Variants in ADCY9 observed in about 807,000 individuals in gnomAD.
The protein encoded by ADCY9 is adenylate cyclase type 9.
In ADCY9, 50 loss-of-function variants were observed where a neutral mutation model predicts 101.5. The ratio of observed to expected loss-of-function variants is 0.49; its 90% confidence interval spans 0.39 to 0.62. The LOEUF is 0.62. Ranked by LOEUF, ADCY9 falls within the 20% of genes least tolerant of loss-of-function variation. ADCY9 has a pLI of 0.00. For synonymous variants in ADCY9, 905 were observed against 769.3 expected (o/e 1.18, Z -2.92); for missense variants, 1,662 against 1,800.4 (o/e 0.92, Z 1.39).
intron 2 of ADCY9, among the ~76,000 whole-genome samples, chr16:4,034,320 T>C (rs762100750): frequency 3.3e-4 from 50 of 152,152 alleles, no homozygotes; most frequent in Non-Finnish European, 6.6e-4. Context: ...ATCAAGTAAA[T>C]AGCAACTAGG....
In ADCY9 at chr16:3,965,782, C is replaced by T. The variant is rs747722293; in HGVS notation, c.4055G>A (p.Ser1352Asn). The T allele has an allele frequency of 8.1e-6, 13 of 1,610,954 alleles. No individual in the cohort carries two copies. Among genetic ancestry groups the T allele is most frequent in the Admixed American group, 3.4e-5 (2 of 59,498 alleles). ...CAGCGGGTGGGCGCCGCCTCACACA[C>T]TCTTTGAAACGTTGAGCTTGGTGAG... ...NELTKLNVSK[S>N]V Residue 1352 changes from serine to asparagine, a missense_variant, in exon 11 of 11, where the codon AGT becomes AAT. Physicochemically the swap from Ser to Asn is conservative, Grantham distance 46 (BLOSUM62 1). This residue lies in a region of ADCY9 where 168 missense variants were observed against 155.3 expected (regional missense o/e 1.08). Coordinates refer to ENST00000294016, the MANE Select transcript of ADCY9 (RefSeq NM_001116.4).
intron 2 of ADCY9, among the ~76,000 whole-genome samples, chr16:4,055,302 G>T (rs1366224033): frequency 5.3e-5 from 8 of 152,144 alleles, no homozygotes; most frequent in Non-Finnish European, 1.2e-4. Flanking sequence ...GGAGGCTGAG[G>T]CGAGCAGATC....
At chr16:4,078,969 C>T (rs1278351918) in intron 2 of ADCY9, among the ~76,000 whole-genome samples, 1 of 152,180 alleles carries the variant, frequency 6.6e-6, no homozygotes, top group Non-Finnish European at 1.5e-5. Context: ...TAAGGATATT[C>T]ATCACACTGT....
At chr16:4,070,928 CAG>C (rs533085331) in intron 2 of ADCY9, among the ~76,000 whole-genome samples, 256 of 152,170 alleles carry the variant, frequency 1.7e-3, no homozygotes, top group Middle Eastern at 6.8e-3. Flanking sequence ...GTCTTGGCAA[CAG>C]AGAGAGTCTC....
chr16:4,020,742 C>T (rs1039505275), intron 2 of ADCY9, among the ~76,000 whole-genome samples: 3 of 151,318 alleles, frequency 2.0e-5, no homozygotes, highest in Non-Finnish European at 4.4e-5. Context: ...AGGAGAATGG[C>T]GTGAACCCAG....
intron 2 of ADCY9, among the ~76,000 whole-genome samples, chr16:4,094,685 T>C (rs1042217326): frequency 4.0e-5 from 6 of 148,312 alleles, no homozygotes; most frequent in Admixed American, 4.0e-4. Flanking sequence ...AGCCAGAAAA[T>C]AAAATTGAGG....
At position 4,114,856 on chromosome 16, in the gene ADCY9, G is replaced by C. The variant is rs548157811; in HGVS notation, c.587C>G (p.Thr196Arg). The C allele has an allele frequency of 6.2e-7, 1 of 1,613,628 alleles. No individual in the cohort carries two copies. The highest frequency in any genetic ancestry group is 2.2e-5 in the East Asian group (1 of 44,888). Residue 196 changes from threonine to arginine, a missense_variant, in exon 2 of 11, where the codon ACG becomes AGG. Transcript: ENST00000294016. The surrounding 1 kb of genome is among the most constrained non-coding windows in gnomAD (Gnocchi z 4.3). ...GCTGTCGCCGCGTCCTGAGACAGGC[G>C]TCAAGACCTGGAACTGCGCAGCCAG... The part of the protein sequence containing the change: ...LTLAAQFQVL[T>R]PVSGRGDSSN...
Position 3,992,075 on chromosome 16 carries a change from A to C in ADCY9, c.2207+71T>G. ...GACAGAGCGAGACTCAGTCTTAAAG[A>C]AAAGAAAAGAAAAAGGCAGAGAGGC... On this transcript the variant is annotated intron_variant, in intron 5 of 10. Coordinates refer to ENST00000294016, the MANE Select transcript of ADCY9 (RefSeq NM_001116.4). This position sits in a 1 kb window ranked among gnomAD's most constrained non-coding sequence, Gnocchi z 4.2. 1.3e-6 allele frequency: 2 copies of C among 1,481,508 alleles called. No homozygotes were observed. The highest frequency in any genetic ancestry group is 9.3e-7 in the Non-Finnish European group (1 of 1,074,814). 91.8% of individuals were successfully genotyped at this position (1,481,508 alleles called of 1,614,324 possible).
chr16:4,085,000 C>A (rs1172571954), intron 2 of ADCY9, among the ~76,000 whole-genome samples: 1 of 152,142 alleles, frequency 6.6e-6, no homozygotes, highest in Admixed American at 6.5e-5. Context: ...TCCATTTACC[C>A]ATTGGTGCCT....
chr16:4,102,820 C>A (rs2057052241), intron 2 of ADCY9, among the ~76,000 whole-genome samples: 1 of 152,306 alleles, frequency 6.6e-6, no homozygotes, highest in East Asian at 1.9e-4. Context: ...CTCCCAGGTT[C>A]AAGTGATTCT....
intron 2 of ADCY9, among the ~76,000 whole-genome samples, chr16:4,074,098 C>T (rs980393529): frequency 3.3e-5 from 5 of 151,964 alleles, no homozygotes; most frequent in African/African-American, 1.2e-4. Flanking sequence ...CAGGAAGTTT[C>T]ATCAAACAGC....
chr16:4,048,304 T>C (rs75642571), intron 2 of ADCY9, among the ~76,000 whole-genome samples: 7,961 of 152,284 alleles, frequency 0.052, 735 homozygotes, highest in African/African-American at 0.18. Flanking sequence ...AAAGTAACCA[T>C]GCATTGTTCA....
chr16:4,065,510 C>T (rs1361998101), intron 2 of ADCY9, among the ~76,000 whole-genome samples: 1 of 152,152 alleles, frequency 6.6e-6, no homozygotes, highest in East Asian at 1.9e-4. Context: ...GAAATAATGG[C>T]AGAAGTCGAA....
Position 4,114,347 on chromosome 16 carries a change from G to A in ADCY9, c.1096C>T (p.Pro366Ser). The change falls in exon 2 of 11, where the codon CCC (proline) becomes TCC (serine). Residue 366 changes from proline (P) to serine (S), a missense_variant. Around this residue, in one of 5 missense-constraint regions of ADCY9, gnomAD observed 228 missense variants for 301.1 expected, o/e 0.76. Transcript: ENST00000294016. This position sits in a 1 kb window ranked among gnomAD's most constrained non-coding sequence, Gnocchi z 4.3. ...GAAGACTTTTTCTTCCTGTTCTTGG[G>A]GCTCGAGGTGGCATGCCTCTTGACA... ...NSVKRHATSS[P>S]KNRKKKSSIQ... The A allele has an allele frequency of 1.2e-6, 2 of 1,613,976 alleles. No homozygotes were observed. Among genetic ancestry groups the A allele is most frequent in the African/African-American group, 1.3e-5 (1 of 75,040 alleles).
chr16:4,095,097 G>A (rs1161231309), intron 2 of ADCY9, among the ~76,000 whole-genome samples: 1 of 150,504 alleles, frequency 6.6e-6, no homozygotes, highest in Non-Finnish European at 1.5e-5. Context: ...CTACTTACCA[G>A]GTTCAAGCGA....
At chr16:3,979,015 A>T in intron 8 of ADCY9, 101 bp downstream of exon 8, 2 of 1,502,006 alleles carry the variant, frequency 1.3e-6, no homozygotes, top group East Asian at 4.6e-5. Context: ...ATGCCTGGCC[A>T]AAGGGTTTAT....
chr16:4,013,437 AT>A (rs1039980761), intron 2 of ADCY9, among the ~76,000 whole-genome samples: 2 of 152,126 alleles, frequency 1.3e-5, no homozygotes, highest in African/African-American at 4.8e-5. Flanking sequence ...AGAAAAAAAA[AT>A]TAAAAGAAAA....
intron 2 of ADCY9, among the ~76,000 whole-genome samples, chr16:4,040,458 A>AT (rs35756805): frequency 0.47 from 67,778 of 144,268 alleles, 16,208 homozygotes; most frequent in South Asian, 0.56. Context: ...CATCTTCTTA[A>AT]TTTTTTTTTT....
chr16:4,099,978 T>C (rs761701365), intron 2 of ADCY9, among the ~76,000 whole-genome samples: 1 of 151,756 alleles, frequency 6.6e-6, no homozygotes, highest in Non-Finnish European at 1.5e-5. Flanking sequence ...CCCTGGGAGG[T>C]TGATATAGTT....
Sources: allele counts gnomAD v4.1 joint callset (sites outside exome capture counted in the v4.1 genomes callset), GRCh38; gene constraint gnomAD v4.1.1; regional missense constraint gnomAD v4.1.1; non-coding constraint Gnocchi (gnomAD v3.1); transcripts MANE v1.5; gene names NCBI Gene and HGNC (gene_info 2026-07-23, HGNC 2026-07-21).